RAP1GAP2: variants seen among roughly 807,000 people sequenced by gnomAD.
RAP1GAP2 encodes RAP1 GTPase activating protein 2.
A neutral mutation model predicts 95.0 loss-of-function variants in RAP1GAP2; 27 were observed. The ratio of observed to expected loss-of-function variants is 0.28; its 90% CI spans 0.21 to 0.39. The LOEUF (loss-of-function observed/expected upper bound fraction) is 0.39. Among genes scored for constraint, RAP1GAP2 ranks in the 10% least tolerant of loss-of-function variants. RAP1GAP2 has a pLI of 1.00. For synonymous variants in RAP1GAP2, 373 were observed against 380.9 expected, an observed-to-expected ratio of 0.98 and a Z score of 0.24; for missense variants, 771 against 970.0, an observed-to-expected ratio of 0.79 and a Z score of 2.72.
At chr17:2,854,513 G>C (rs1252342352) in intron 2 of RAP1GAP2, among the ~76,000 whole-genome samples, 1 of 152,242 alleles carries the variant, frequency 6.6e-6, no homozygotes, top group Admixed American at 6.5e-5. Flanking sequence ...GCCTGGCCGA[G>C]ATCCGCTTGC....
intron 3 of RAP1GAP2, among the ~76,000 whole-genome samples, chr17:2,950,486 C>T (rs1205796296): frequency 6.6e-6 from 1 of 152,116 alleles, no homozygotes; most frequent in Non-Finnish European, 1.5e-5. Flanking sequence ...CCCATAGCTC[C>T]TTCTAGGAGC....
chr17:2,978,513 G>A (rs556672152), intron 8 of RAP1GAP2, among the ~76,000 whole-genome samples: 1 of 152,268 alleles, frequency 6.6e-6, no homozygotes, highest in East Asian at 1.9e-4. Flanking sequence ...ATTCAGGACG[G>A]CACAAAATTG....
intron 1 of RAP1GAP2, among the ~76,000 whole-genome samples, chr17:2,761,570 G>A (rs2071249555): frequency 1.3e-5 from 2 of 152,132 alleles, no homozygotes; most frequent in Non-Finnish European, 1.5e-5. Context: ...TTACAGGTGT[G>A]AGGCACCGCA....
chr17:2,994,722 G>A (rs2045895248), intron 12 of RAP1GAP2, among the ~76,000 whole-genome samples: 1 of 152,252 alleles, frequency 6.6e-6, no homozygotes, highest in Admixed American at 6.5e-5. Context: ...ATTTGTCTGG[G>A]ATTGTGGATG....
At chr17:2,998,574 A>G (rs1040651970) in intron 14 of RAP1GAP2, among the ~76,000 whole-genome samples, 198 bp downstream of exon 14, 7 of 152,226 alleles carry the variant, frequency 4.6e-5, no homozygotes, top group African/African-American at 1.7e-4. Context: ...TCCGGGCTCA[A>G]TGGCATCTCA....
intron 17 of RAP1GAP2, among the ~76,000 whole-genome samples, chr17:3,009,856 A>T (rs1292309660): frequency 6.6e-6 from 1 of 152,078 alleles, no homozygotes; most frequent in Non-Finnish European, 1.5e-5. Context: ...AGGTCAGACA[A>T]CCCAGCGAGA....
intron 17 of RAP1GAP2, among the ~76,000 whole-genome samples, chr17:3,015,878 G>A (rs1029060732): frequency 1.3e-5 from 2 of 152,028 alleles, no homozygotes; most frequent in Admixed American, 6.5e-5. Context: ...GAGACCATCT[G>A]TAGGTTACAC....
intron 17 of RAP1GAP2, among the ~76,000 whole-genome samples, chr17:3,010,071 G>A (rs1163142658): frequency 4.5e-4 from 68 of 152,076 alleles, no homozygotes; most frequent in Non-Finnish European, 1.0e-4. Flanking sequence ...GCCAGGTGCC[G>A]TGCCTCACGC....
intron 3 of RAP1GAP2, among the ~76,000 whole-genome samples, chr17:2,919,669 G>T (rs2042685160): frequency 6.6e-6 from 1 of 152,090 alleles, no homozygotes; most frequent in African/African-American, 2.4e-5. Context: ...CGGCTGCCAG[G>T]CCCTCCTTCC....
rs1203890991 is a variant in RAP1GAP2, at chr17:2,855,875, A to G, written c.81-49409A>G. Reference sequence around the variant, plus strand: ...GCGATCCACCTGCCTCGGCCTCTCAAAGTGCTGGGATTACAGGCATGAGCC... The same window carrying G: ...GCGATCCACCTGCCTCGGCCTCTCAGAGTGCTGGGATTACAGGCATGAGCC... On this transcript the variant is annotated intron_variant, in intron 2 of 24. Coordinates refer to ENST00000254695, the MANE Select transcript of RAP1GAP2 (RefSeq NM_015085.5). The surrounding 1 kb of genome is among the most constrained non-coding windows in gnomAD (Gnocchi z 4.3). Among the ~76,000 whole-genome samples, 1 of 152,164 alleles carries G rather than the reference A, an allele frequency of 6.6e-6. No individual in the cohort carries two copies. Among genetic ancestry groups the G allele is most frequent in the Non-Finnish European group, 1.5e-5 (1 of 68,024 alleles).
chr17:3,027,216 C>T lies in RAP1GAP2; in HGVS notation c.2107+146C>T. 1 of 1,063,244 alleles carries T rather than the reference C, an allele frequency of 9.4e-7. No individual in the cohort carries two copies. The highest frequency in any genetic ancestry group is 2.9e-5 in the East Asian group (1 of 34,300). The allele number at this position is 1,063,244 out of a possible 1,614,324, so 65.9% of individuals were successfully genotyped here. On this transcript the variant is annotated intron_variant, in intron 22 of 24. Transcript: ENST00000254695. The surrounding 1 kb of genome is among the most constrained non-coding windows in gnomAD (Gnocchi z 5.2). Reference sequence around the variant, plus strand: ...GGCCCTCCGCTCTGTGCGCCCGCCTCTTCTGTTCATCAGCCTTAAGATGCC... The same window carrying T: ...GGCCCTCCGCTCTGTGCGCCCGCCTTTTCTGTTCATCAGCCTTAAGATGCC...
At chr17:2,773,630 C>T (rs1281975174), upstream of RAP1GAP2, among the ~76,000 whole-genome samples, 1 of 152,122 alleles carries the variant, frequency 6.6e-6, no homozygotes, top group Non-Finnish European at 1.5e-5. Flanking sequence ...AATTGGGACC[C>T]AAAGTGCCCT....
At chr17:2,889,887 A>ATTTT (rs1183050009) in intron 2 of RAP1GAP2, among the ~76,000 whole-genome samples, 3 of 38,752 alleles carry the variant, frequency 7.7e-5, no homozygotes, top group Admixed American at 2.8e-4. Flanking sequence ...ATATATATAT[A>ATTTT]TATTTTTTTT....
intron 8 of RAP1GAP2, among the ~76,000 whole-genome samples, chr17:2,970,684 T>G (rs2044829092): frequency 6.6e-6 from 1 of 152,234 alleles, no homozygotes; most frequent in African/African-American, 2.4e-5. Flanking sequence ...TCTATTTATT[T>G]GCTATGAACA....
chr17:2,854,735 G>A (rs2072059174), intron 2 of RAP1GAP2, among the ~76,000 whole-genome samples: 1 of 152,208 alleles, frequency 6.6e-6, no homozygotes, highest in Non-Finnish European at 1.5e-5. Flanking sequence ...GTTTGGAGTA[G>A]GCAAAGGAGG....
chr17:2,957,164 C>T (rs1003791180), intron 3 of RAP1GAP2, among the ~76,000 whole-genome samples: 6 of 150,946 alleles, frequency 4.0e-5, no homozygotes, highest in African/African-American at 1.2e-4. Flanking sequence ...TCCCTCTAGG[C>T]CCCTGGAGGC....
intron 3 of RAP1GAP2, among the ~76,000 whole-genome samples, chr17:2,922,395 AG>A (rs1216316491): frequency 6.6e-6 from 1 of 152,178 alleles, no homozygotes; most frequent in African/African-American, 2.4e-5. Context: ...TTTCCGAATA[AG>A]GTTACACACT....
chr17:2,981,398 C>T (rs2045351763), intron 10 of RAP1GAP2, 150 bp downstream of exon 10: 2 of 728,224 alleles, frequency 2.7e-6, no homozygotes, highest in Admixed American at 2.7e-5. Context: ...CCTGCCCACC[C>T]CTTCACAAAC....
chr17:3,008,083 C>G lies in RAP1GAP2; in HGVS notation c.1432C>G (p.Leu478Val), dbSNP rs1484881594. 1.2e-6 allele frequency: 2 copies of G among 1,613,880 alleles called. No homozygotes were observed. Among genetic ancestry groups the G allele is most frequent in the African/African-American group, 1.3e-5 (1 of 74,910 alleles). Residue 478 changes from leucine (L) to valine (V), a missense_variant, in exon 17 of 25, where the codon CTG becomes GTG. Leu to Val is a conservative substitution (Grantham distance 32). Transcript: ENST00000254695. This position sits in a 1 kb window ranked among gnomAD's most constrained non-coding sequence, Gnocchi z 4.2. ...LHAHTQAMLGLGPEEDKFENG... is the reference protein window; with the variant it reads ...LHAHTQAMLGVGPEEDKFENG... ...CGCCCACACACAGGCCATGCTGGGA[C>G]TGGGCCCAGAGGAGGACAAGTTTGA...
Sources: allele counts gnomAD v4.1 joint callset (sites outside exome capture counted in the v4.1 genomes callset), GRCh38; gene constraint gnomAD v4.1.1; non-coding constraint Gnocchi (gnomAD v3.1); transcripts MANE v1.5; gene names NCBI Gene and HGNC (gene_info 2026-07-23, HGNC 2026-07-21).